MAP4K3: variants seen among roughly 807,000 people sequenced by gnomAD.
MAP4K3 encodes MAPK/ERK kinase kinase kinase 3.
A neutral mutation model predicts 143.5 loss-of-function variants in MAP4K3; 94 were observed. The ratio of observed to expected loss-of-function variants is 0.65; its 90% CI spans 0.55 to 0.78. MAP4K3 has a LOEUF of 0.78. Among genes scored for constraint, MAP4K3 ranks in the 30% least tolerant of loss-of-function variants. The pLI is 0.00. For missense variants in MAP4K3, 1,077 were observed against 1,068.1 expected (o/e 1.01, Z -0.12); for synonymous variants, 416 against 347.2 (o/e 1.20, Z -2.20).
chr2:39,268,085 TCTCTA>T (rs1463181421), intron 26 of MAP4K3, among the ~76,000 whole-genome samples: 2 of 152,180 alleles, frequency 1.3e-5, no homozygotes, highest in African/African-American at 2.4e-5. Context: ...AATCTTTGTT[TCTCTA>T]CTCAGGAAAA....
intron 1 of MAP4K3, among the ~76,000 whole-genome samples, chr2:39,386,616 T>C (rs1666512047): frequency 6.6e-6 from 1 of 152,196 alleles, no homozygotes; most frequent in South Asian, 2.1e-4. Context: ...TTTTTGCATG[T>C]ATATGTCCAA....
intron 8 of MAP4K3, among the ~76,000 whole-genome samples, chr2:39,331,338 GAGT>G (rs1683675147): frequency 6.6e-6 from 1 of 152,076 alleles, no homozygotes; most frequent in Non-Finnish European, 1.5e-5. Flanking sequence ...ATAAATATGC[GAGT>G]AGGATAGTTT....
intron 3 of MAP4K3, among the ~76,000 whole-genome samples, chr2:39,347,418 C>T (rs889712451): frequency 2.6e-5 from 4 of 152,142 alleles, no homozygotes; most frequent in Admixed American, 1.3e-4. Context: ...TCTTAAGATG[C>T]AAGCAACTAG....
intron 1 of MAP4K3, among the ~76,000 whole-genome samples, chr2:39,409,103 T>G (rs1370162772): frequency 2.0e-5 from 3 of 152,192 alleles, no homozygotes; most frequent in Non-Finnish European, 4.4e-5. Context: ...CTCCTCAGCC[T>G]ACTCAACATG....
At chr2:39,329,507 T>C (rs1360191797) in intron 8 of MAP4K3, among the ~76,000 whole-genome samples, 1 of 152,130 alleles carries the variant, frequency 6.6e-6, no homozygotes, top group Non-Finnish European at 1.5e-5. Context: ...TCAAATACCC[T>C]GGAAATGTTG....
intron 21 of MAP4K3, among the ~76,000 whole-genome samples, chr2:39,284,635 A>T (rs1681684117): frequency 6.6e-6 from 1 of 151,732 alleles, no homozygotes; most frequent in African/African-American, 2.4e-5. Context: ...CATGAGGTCA[A>T]GGATTCGAGA....
chr2:39,274,104 G>A (rs886244147), intron 24 of MAP4K3, among the ~76,000 whole-genome samples: 1 of 152,030 alleles, frequency 6.6e-6, no homozygotes, highest in African/African-American at 2.4e-5. Flanking sequence ...CATATATAAA[G>A]TAGCAAGACA....
At chr2:39,428,305 C>T (rs748446370) in intron 1 of MAP4K3, among the ~76,000 whole-genome samples, 2 of 152,172 alleles carry the variant, frequency 1.3e-5, no homozygotes, top group Admixed American at 6.5e-5. Flanking sequence ...AGCTCAAAAG[C>T]TGTGAGTTTT....
In MAP4K3 at chr2:39,261,465, C is replaced by A. The variant is rs1223968700; in HGVS notation, c.2137-688G>T. Among the ~76,000 whole-genome samples the A allele has an allele frequency of 5.9e-5, 9 of 152,114 alleles. No homozygotes were observed. In the South Asian group the frequency reaches 6.2e-4, roughly 11 times the overall value. Reference sequence around the variant, plus strand: ...AATACTATACATACCCACCGAATGGCTAAAATTAAAAAGAATGACAGTGAA... The same window carrying A: ...AATACTATACATACCCACCGAATGGATAAAATTAAAAAGAATGACAGTGAA... On this transcript the variant is annotated intron_variant, in intron 28 of 33. Coordinates refer to ENST00000263881, the MANE Select transcript of MAP4K3 (RefSeq NM_003618.4).
chr2:39,318,487 T>C (rs1573142403), intron 12 of MAP4K3, among the ~76,000 whole-genome samples: 1 of 152,202 alleles, frequency 6.6e-6, no homozygotes, highest in East Asian at 1.9e-4. Context: ...CTTTAATTTC[T>C]AAACATAAAT....
intron 20 of MAP4K3, among the ~76,000 whole-genome samples, chr2:39,287,848 C>T (rs372900497): frequency 3.3e-5 from 5 of 152,110 alleles, no homozygotes; most frequent in Middle Eastern, 3.4e-3. Flanking sequence ...GTTTCCACAC[C>T]GTAGCTAAAT....
intron 2 of MAP4K3, among the ~76,000 whole-genome samples, chr2:39,369,288 C>G (rs1186860950): frequency 1.4e-5 from 2 of 144,618 alleles, no homozygotes; most frequent in Non-Finnish European, 3.0e-5. Context: ...CTCCGTCTCC[C>G]AGGTTCAAGT....
intron 19 of MAP4K3, among the ~76,000 whole-genome samples, chr2:39,289,047 A>G (rs1307856163): frequency 6.6e-6 from 1 of 152,184 alleles, no homozygotes; most frequent in African/African-American, 2.4e-5. Flanking sequence ...GCGAGACTCC[A>G]TCTCAAAACA....
chr2:39,268,062 TTTC>T (rs546513428), intron 26 of MAP4K3, among the ~76,000 whole-genome samples: 43 of 152,324 alleles, frequency 2.8e-4, no homozygotes, highest in Non-Finnish European at 5.1e-4. Flanking sequence ...TTGTGAAGAA[TTTC>T]TTTTTTAGAA....
chr2:39,416,446 T>G (rs575054608), intron 1 of MAP4K3, among the ~76,000 whole-genome samples: 6 of 152,250 alleles, frequency 3.9e-5, no homozygotes, highest in African/African-American at 1.4e-4. Context: ...GAGAACCACA[T>G]GCTTCTACCA....
At chr2:39,370,794 T>C (rs755353474) in intron 2 of MAP4K3, among the ~76,000 whole-genome samples, 2 of 152,200 alleles carry the variant, frequency 1.3e-5, no homozygotes, top group African/African-American at 2.4e-5. Context: ...CTGTTATCTA[T>C]CTGCATTTGT....
At chr2:39,404,397 C>A (rs1262783846) in intron 1 of MAP4K3, among the ~76,000 whole-genome samples, 1 of 152,094 alleles carries the variant, frequency 6.6e-6, no homozygotes, top group Non-Finnish European at 1.5e-5. Context: ...CACAAGCTGA[C>A]TGAAGAACCC....
At position 39,250,518 on chromosome 2, in the gene MAP4K3, A is replaced by G. The variant is rs1680110448; in HGVS notation, c.*100T>C. 2.7e-6 allele frequency: 3 copies of G among 1,111,920 alleles called. No individual in the cohort carries two copies. Among genetic ancestry groups the G allele is most frequent in the Admixed American group, 2.3e-5 (1 of 42,842 alleles). 68.9% of individuals were successfully genotyped at this position (1,111,920 alleles called of 1,614,324 possible). ...CCACAATAAATTACAAAGTAACTGA[A>G]GACAGGTTACTGCAGCTTTTGTACA... On this transcript the variant is annotated 3_prime_UTR_variant, in exon 34 of 34. Transcript: ENST00000263881.
chr2:39,305,111 G>A (rs1054292239), intron 15 of MAP4K3, among the ~76,000 whole-genome samples: 4 of 152,162 alleles, frequency 2.6e-5, no homozygotes, highest in Non-Finnish European at 5.9e-5. Context: ...TTGGGAAGAT[G>A]AAATCATTCT....
Sources: gnomAD v4.1 joint callset for allele counts (sites outside exome capture counted in the v4.1 genomes callset) on GRCh38, gnomAD v4.1.1 for gene constraint, MANE v1.5 for transcripts, NCBI Gene and HGNC (gene_info 2026-07-23, HGNC 2026-07-21) for gene names.